The following PCDHA1 variants were observed in gnomAD, a reference collection of about 807,000 sequenced individuals.
PCDHA1 encodes protocadherin alpha 1, also known as protocadherin alpha-1.
Under a neutral mutation model 61.3 loss-of-function variants are expected in PCDHA1, and 42 were observed. The observed-to-expected ratio is 0.69, with a 90% confidence interval of 0.54 to 0.89. The LOEUF (loss-of-function observed/expected upper bound fraction) is 0.89. Ranked by LOEUF, PCDHA1 falls within the 40% of genes least tolerant of loss-of-function variation. The pLI, the probability that PCDHA1 is intolerant of heterozygous loss-of-function variation, is 0.00. For missense variants in PCDHA1, 1,256 were observed against 1,235.3 expected, an observed-to-expected ratio of 1.02 and a Z score of -0.25; for synonymous variants, 610 against 553.8, an observed-to-expected ratio of 1.10 and a Z score of -1.43.
chr5:140,902,818 T>G (rs1554190664), intron 1 of PCDHA1, among the ~76,000 whole-genome samples: 1 of 152,062 alleles, frequency 6.6e-6, no homozygotes, highest in Non-Finnish European at 1.5e-5. Flanking sequence ...CAATATTTGG[T>G]TTTCGATTTC....
At chr5:140,803,419 G>A (rs1763195190) in intron 1 of PCDHA1, 2 of 1,614,112 alleles carry the variant, frequency 1.2e-6, no homozygotes, top group Non-Finnish European at 8.5e-7. Flanking sequence ...ACGCTGGTGT[G>A]CTCCAGCGCG....
chr5:141,009,356 G>A (rs535761188), intron 3 of PCDHA1, among the ~76,000 whole-genome samples: 1 of 152,204 alleles, frequency 6.6e-6, no homozygotes, highest in Admixed American at 6.5e-5. Flanking sequence ...CTACTTGGGA[G>A]GCTAAGATGG....
chr5:140,928,291 G>A (rs62384489), intron 1 of PCDHA1: 1 of 1,614,142 alleles, frequency 6.2e-7, no homozygotes, highest in Non-Finnish European at 8.5e-7. Context: ...TCTAGGCCGA[G>A]TGTTTGCCCA....
intron 1 of PCDHA1, among the ~76,000 whole-genome samples, chr5:140,821,111 A>T (rs2150108714): frequency 9.2e-5 from 14 of 152,284 alleles, no homozygotes; most frequent in South Asian, 8.3e-4. Flanking sequence ...TCACTATTAA[A>T]CAGTGAAATT....
chr5:140,824,150 C>T (rs147799360), intron 1 of PCDHA1: 58 of 1,611,190 alleles, frequency 3.6e-5, no homozygotes, highest in Non-Finnish European at 4.2e-5. Context: ...ATATTAACAT[C>T]CATCTTTCCC....
intron 1 of PCDHA1, among the ~76,000 whole-genome samples, chr5:140,949,636 T>C (rs1047386786): frequency 1.3e-5 from 2 of 151,898 alleles, no homozygotes; most frequent in Non-Finnish European, 3.0e-5. Context: ...GGCATATTGC[T>C]TTTTGTTCAT....
chr5:140,900,651 A>G (rs1386674800), intron 1 of PCDHA1, among the ~76,000 whole-genome samples: 3 of 152,232 alleles, frequency 2.0e-5, no homozygotes, highest in African/African-American at 7.2e-5. Flanking sequence ...ACACTGCTGC[A>G]ATGAACAATG....
intron 3 of PCDHA1, among the ~76,000 whole-genome samples, chr5:140,995,324 G>C (rs1290299693): frequency 1.3e-5 from 2 of 152,190 alleles, no homozygotes; most frequent in Non-Finnish European, 2.9e-5. Context: ...GAACTAACAG[G>C]TGAGTAGTGT....
chr5:140,825,928 C>G (rs1768763008), intron 1 of PCDHA1: 2 of 151,504 alleles, frequency 1.3e-5, no homozygotes, highest in East Asian at 3.9e-4. Flanking sequence ...GGTGTCCTCT[C>G]CATCTGAAAT....
In PCDHA1 at chr5:140,787,451, C is replaced by A; in HGVS notation, c.1161C>A (p.Cys387Ter). 6.2e-7 allele frequency: 1 copy of A among 1,614,252 alleles called. No individual in the cohort carries two copies. Among genetic ancestry groups the A allele is most frequent in the Non-Finnish European group, 8.5e-7 (1 of 1,180,038 alleles). Residue 387 changes from cysteine to a stop codon, truncating the protein, a stop_gained, in exon 1 of 4, where the codon TGC becomes TGA. Transcript: ENST00000504120. LOFTEE classifies it high-confidence loss of function. ...RDSGANGQVT[C>*]SLMPHVPFKL... ...CAGGTGCCAACGGGCAGGTGACTTG[C>A]TCCTTAATGCCCCACGTCCCCTTCA...
rs1475862780 is a variant in PCDHA1 at position 140,982,724 on chromosome 5, G to T, written c.2542+161G>T. On this transcript the variant is annotated intron_variant, in intron 3 of 3. Transcript: ENST00000504120. Reference sequence around the variant, plus strand: ...ATTTCCTTACATATATGATTATTTTGATTTTATACCTAATGCTCTTCAGGA... The same window carrying T: ...ATTTCCTTACATATATGATTATTTTTATTTTATACCTAATGCTCTTCAGGA... 5.5e-6 allele frequency: 5 copies of T among 906,286 alleles called. No homozygotes were observed. The African/African-American group carries it at 9.0e-5, about 16-fold the overall frequency. The allele number at this position is 906,286 out of a possible 1,614,324, so 56.1% of individuals were successfully genotyped here.
chr5:140,978,633 CA>C (rs2096813426), intron 1 of PCDHA1, among the ~76,000 whole-genome samples: 1 of 152,214 alleles, frequency 6.6e-6, no homozygotes, highest in South Asian at 2.1e-4. Context: ...TTTCCTTTCT[CA>C]AAGCAGACTG....
At chr5:140,912,385 C>A (rs1323082765) in intron 1 of PCDHA1, among the ~76,000 whole-genome samples, 6 of 148,114 alleles carry the variant, frequency 4.1e-5, no homozygotes, top group African/African-American at 1.5e-4. Context: ...GGATTGAGTT[C>A]TTAATTTGAT....
rs2150354219 is a variant in PCDHA1 at position 140,843,163 on chromosome 5, T to G, written c.2394+54479T>G. On this transcript the variant is annotated intron_variant, in intron 1 of 3. Coordinates refer to ENST00000504120, the MANE Select transcript of PCDHA1 (RefSeq NM_018900.4). ...GGCTTTCGTATGAGCTGCAGCCAGCTGCAAGCAGCCCTCGCATCCCGTTCC... is the reference window on the plus strand; with the variant it reads ...GGCTTTCGTATGAGCTGCAGCCAGCGGCAAGCAGCCCTCGCATCCCGTTCC... 3.6e-5 allele frequency: 58 copies of G among 1,595,956 alleles called. 4 individuals carry two copies. The South Asian group carries it at 6.1e-4, about 17-fold the overall frequency.
chr5:140,829,673 C>G (rs1246503495), intron 1 of PCDHA1: 3 of 1,613,006 alleles, frequency 1.9e-6, no homozygotes, highest in South Asian at 2.2e-5. Flanking sequence ...CCACGAGGAG[C>G]TAGAGCTGCT....
Position 140,788,294 on chromosome 5 carries a change from T to C in PCDHA1, c.2004T>C (p.Ser668=), listed in dbSNP as rs1562137126. ...CAGCCACGGCCACTGTGCTTGTATC[T>C]CTGGTGGAGAGCGGCCAGGCGCCAA... ...ALTATATVLV[S]LVESGQAPKA... is the part of the protein sequence containing the mutation. Residue 668 remains serine (S), a synonymous_variant, in exon 1 of 4, where the codon TCT becomes TCC. Transcript: ENST00000504120. 1.2e-5 allele frequency: 19 copies of C among 1,613,908 alleles called. No individual in the cohort carries two copies. The highest frequency in any genetic ancestry group is 1.5e-5 in the Non-Finnish European group (18 of 1,179,924).
intron 1 of PCDHA1, among the ~76,000 whole-genome samples, chr5:140,953,511 G>A (rs1243901831): frequency 1.3e-5 from 2 of 152,114 alleles, no homozygotes; most frequent in Non-Finnish European, 2.9e-5. Flanking sequence ...TTAGGCCAAA[G>A]CAACAAAAAC....
chr5:140,835,574 G>T (rs1192023261), intron 1 of PCDHA1: 2 of 1,613,868 alleles, frequency 1.2e-6, no homozygotes, highest in Admixed American at 1.7e-5. Flanking sequence ...CCTTCAAGTT[G>T]GTGTCCACCT....
In PCDHA1 at chr5:140,949,530, A is replaced by G. The variant is rs535959568; in HGVS notation, c.2395-29419A>G. Among the ~76,000 whole-genome samples, 8 of 151,972 alleles carry G rather than the reference A, an allele frequency of 5.3e-5. No homozygotes were observed. The South Asian group carries it at 1.7e-3, about 31-fold the overall frequency. On this transcript the variant is annotated intron_variant, in intron 1 of 3. Coordinates refer to ENST00000504120, the MANE Select transcript of PCDHA1 (RefSeq NM_018900.4). ...GATTTATTGATCCTTTTATCTTCATAAAATATCGATTTGTTGCTGGTCATA... is the reference window on the plus strand; with the variant it reads ...GATTTATTGATCCTTTTATCTTCATGAAATATCGATTTGTTGCTGGTCATA...
Sources: allele counts gnomAD v4.1 joint callset (sites outside exome capture counted in the v4.1 genomes callset), GRCh38; gene constraint gnomAD v4.1.1; transcripts MANE v1.5; gene names NCBI Gene and HGNC (gene_info 2026-07-23, HGNC 2026-07-21).